The following EPHA7 variants were observed in gnomAD, a reference collection of about 807,000 sequenced individuals.
The protein encoded by EPHA7 is ephrin type-A receptor 7.
EPHA7 carries 25 observed loss-of-function variants against 112.6 expected under a neutral mutation model. The ratio of observed to expected loss-of-function variants is 0.22; its 90% CI spans 0.16 to 0.31. The LOEUF (loss-of-function observed/expected upper bound fraction) is 0.31, where lower values mean the gene tolerates loss of function less well. Ranked by LOEUF, EPHA7 falls within the 10% of genes least tolerant of loss-of-function variation. EPHA7 has a pLI of 1.00. For synonymous variants in EPHA7, 437 were observed against 406.5 expected (o/e 1.07, Z -0.90); for missense variants, 962 against 1,212.6 (o/e 0.79, Z 3.07).
At chr6:93,304,309 A>T (rs2127854148) in intron 5 of EPHA7, among the ~76,000 whole-genome samples, 1 of 152,094 alleles carries the variant, frequency 6.6e-6, no homozygotes, top group East Asian at 1.9e-4. Context: ...TCAGTTCTAG[A>T]TTGAAGACAG....
intron 3 of EPHA7, among the ~76,000 whole-genome samples, chr6:93,395,575 TCACACACACACACA>T (rs4053540): frequency 1.4e-5 from 2 of 145,440 alleles, no homozygotes; most frequent in Non-Finnish European, 1.5e-5. Context: ...TTTACTTATT[TCACACACACACACA>T]CACACACACA....
At chr6:93,344,934 C>T (rs934737174) in intron 5 of EPHA7, among the ~76,000 whole-genome samples, 1 of 151,588 alleles carries the variant, frequency 6.6e-6, no homozygotes, top group African/African-American at 2.4e-5. Flanking sequence ...GGAGAGGCCA[C>T]TCATTAACTC....
chr6:93,303,019 G>C (rs1255655052), intron 5 of EPHA7, among the ~76,000 whole-genome samples: 1 of 152,114 alleles, frequency 6.6e-6, no homozygotes, highest in Non-Finnish European at 1.5e-5. Flanking sequence ...CATAGAGCAA[G>C]GGAATCAAGA....
At chr6:93,257,609 G>T in intron 11 of EPHA7, 86 bp from the exon 12 acceptor site, 2 of 848,638 alleles carry the variant, frequency 2.4e-6, no homozygotes, top group Non-Finnish European at 3.8e-6. Context: ...AACACATGGT[G>T]TTCTTTTGAA....
At chr6:93,253,662 AGAAAAG>A (rs1449470684) in intron 14 of EPHA7, among the ~76,000 whole-genome samples, 2 of 152,072 alleles carry the variant, frequency 1.3e-5, no homozygotes, top group Non-Finnish European at 2.9e-5. Context: ...TCTCTGTTAT[AGAAAAG>A]TGAGTCCATT....
chr6:93,279,634 A>G (rs1311630460), intron 5 of EPHA7, among the ~76,000 whole-genome samples: 2 of 152,164 alleles, frequency 1.3e-5, no homozygotes, highest in African/African-American at 4.8e-5. Flanking sequence ...ATTATTTAAA[A>G]TATTCTAGAG....
chr6:93,386,926 T>C (rs1777636611), intron 3 of EPHA7, among the ~76,000 whole-genome samples: 1 of 152,080 alleles, frequency 6.6e-6, no homozygotes, highest in Non-Finnish European at 1.5e-5. Flanking sequence ...AGGGGGGTCC[T>C]GGACCTGGCC....
intron 5 of EPHA7, among the ~76,000 whole-genome samples, chr6:93,314,209 G>T (rs982163996): frequency 6.6e-6 from 1 of 151,960 alleles, no homozygotes; most frequent in African/African-American, 2.4e-5. Flanking sequence ...AGAAGTTTCA[G>T]TTTGGCTAAA....
chr6:93,260,459 A>G, intron 9 of EPHA7: 1 of 835,794 alleles, frequency 1.2e-6, no homozygotes, highest in Non-Finnish European at 1.4e-6. Flanking sequence ...ATATTAATGC[A>G]ATAAAAATTA....
intron 3 of EPHA7, among the ~76,000 whole-genome samples, chr6:93,388,813 T>G (rs547082782): frequency 1.4e-4 from 21 of 151,862 alleles, no homozygotes; most frequent in Non-Finnish European, 2.5e-4. Context: ...TAAGCAAAGG[T>G]AAGTAAAAAA....
At chr6:93,340,633 T>A (rs1775093136) in intron 5 of EPHA7, among the ~76,000 whole-genome samples, 1 of 151,924 alleles carries the variant, frequency 6.6e-6, no homozygotes, top group African/African-American at 2.4e-5. Context: ...ACACTCAACC[T>A]GTAGTAAAAC....
At chr6:93,313,147 A>G (rs1773627616) in intron 5 of EPHA7, among the ~76,000 whole-genome samples, 1 of 152,170 alleles carries the variant, frequency 6.6e-6, no homozygotes, top group South Asian at 2.1e-4. Context: ...GACTAGCTCA[A>G]TGCAGGACTG....
At chr6:93,404,687 C>A (rs1398682856) in intron 3 of EPHA7, among the ~76,000 whole-genome samples, 3 of 150,530 alleles carry the variant, frequency 2.0e-5, no homozygotes, top group Non-Finnish European at 3.0e-5. Flanking sequence ...ATACTTCTCA[C>A]GGTAAGAGTA....
Position 93,321,581 on chromosome 6 carries a change from A to G in EPHA7, c.1324+35136T>C, listed in dbSNP as rs527491253. Among the ~76,000 whole-genome samples the G allele has an allele frequency of 3.9e-5, 6 of 152,072 alleles. No homozygotes were observed. In the South Asian group the frequency reaches 1.2e-3, roughly 31 times the overall value. ...GTTTAATTACAAGACAAAAATTATA[A>G]TATCTGAAATTTCACTGACAAATTT... On this transcript the variant is annotated intron_variant, in intron 5 of 16. Transcript: ENST00000369303.
At chr6:93,311,924 G>T (rs1582499076) in intron 5 of EPHA7, among the ~76,000 whole-genome samples, 1 of 152,100 alleles carries the variant, frequency 6.6e-6, no homozygotes, top group African/African-American at 2.4e-5. Flanking sequence ...GGGTAACCAG[G>T]TGCATTGCCA....
At chr6:93,383,551 C>A (rs1224919602) in intron 3 of EPHA7, among the ~76,000 whole-genome samples, 1 of 152,008 alleles carries the variant, frequency 6.6e-6, no homozygotes, top group Non-Finnish European at 1.5e-5. Flanking sequence ...TTTAGGATTA[C>A]ATCAAATTAC....
In EPHA7 at chr6:93,272,391, C is replaced by T. The variant is rs201935163; in HGVS notation, c.1356G>A (p.Glu452=). ...GCTCGACACTCCGCTGCAGTACTCT[C>T]TCCTTCATTACTCCACTCACTTGCG... is the stretch of plus-strand genomic sequence containing the variant. ...APSQVSGVMK[E]RVLQRSVELS... is the part of the protein sequence containing the mutation. The change falls in exon 6 of 17, where the codon GAG becomes GAA. Residue 452 remains glutamate (E), a synonymous_variant. Coordinates refer to ENST00000369303, the MANE Select transcript of EPHA7 (RefSeq NM_004440.4). 3.1e-6 allele frequency: 5 copies of T among 1,612,138 alleles called. No individual in the cohort carries two copies. The Admixed American group carries it at 8.3e-5, about 27-fold the overall frequency.
chr6:93,358,825 A>T (rs900973606), intron 3 of EPHA7, among the ~76,000 whole-genome samples: 7 of 152,190 alleles, frequency 4.6e-5, no homozygotes, highest in African/African-American at 1.7e-4. Context: ...CTTTAAACTA[A>T]CTTTTGACAT....
At chr6:93,399,500 C>T (rs1582669204) in intron 3 of EPHA7, among the ~76,000 whole-genome samples, 2 of 151,876 alleles carry the variant, frequency 1.3e-5, no homozygotes, top group South Asian at 2.1e-4. Context: ...GATTTTTTAG[C>T]CTCTTTTTAA....
Sources: gnomAD v4.1 joint callset for allele counts (sites outside exome capture counted in the v4.1 genomes callset) on GRCh38, gnomAD v4.1.1 for gene constraint, MANE v1.5 for transcripts, NCBI Gene and HGNC (gene_info 2026-07-23, HGNC 2026-07-21) for gene names.